The following ERC2 variants were observed in gnomAD, a reference collection of about 807,000 sequenced individuals.
ERC2 encodes the protein ELKS/RAB6-interacting/CAST family member 2, also known as ERC protein 2.
A neutral mutation model predicts 114.8 loss-of-function variants in ERC2; 42 were observed. The ratio of observed to expected loss-of-function variants is 0.37; its 90% CI spans 0.29 to 0.47. The LOEUF (loss-of-function observed/expected upper bound fraction) is 0.47, where lower values mean the gene tolerates loss of function less well. ERC2 is among the 20% of genes least tolerant of loss of function. ERC2 has a pLI of 0.99. For missense variants in ERC2, 939 were observed against 1,150.7 expected (o/e 0.82, Z 2.66); for synonymous variants, 454 against 425.5 (o/e 1.07, Z -0.82).
At chr3:56,067,173 C>T (rs2076523369) in intron 7 of ERC2, among the ~76,000 whole-genome samples, 1 of 152,206 alleles carries the variant, frequency 6.6e-6, no homozygotes, top group Non-Finnish European at 1.5e-5. Flanking sequence ...AATATTAATT[C>T]TTCCTATTAA....
At chr3:55,983,076 A>G (rs552029079) in intron 12 of ERC2, among the ~76,000 whole-genome samples, 36 of 152,342 alleles carry the variant, frequency 2.4e-4, no homozygotes, top group African/African-American at 8.2e-4. Context: ...TGCAGGCAGG[A>G]TCCCAGAAGA....
At chr3:55,858,675 A>G (rs2061893135) in intron 14 of ERC2, among the ~76,000 whole-genome samples, 1 of 152,258 alleles carries the variant, frequency 6.6e-6, no homozygotes, top group Non-Finnish European at 1.5e-5. Flanking sequence ...GAGCAAGACA[A>G]AAATACTCTG....
At chr3:55,781,830 C>G (rs1484915312) in intron 14 of ERC2, among the ~76,000 whole-genome samples, 1 of 149,940 alleles carries the variant, frequency 6.7e-6, no homozygotes, top group Non-Finnish European at 1.5e-5. Context: ...CGAGATCGCC[C>G]TACTACACTC....
At chr3:56,222,916 C>T (rs2050010199) in intron 3 of ERC2, among the ~76,000 whole-genome samples, 1 of 152,358 alleles carries the variant, frequency 6.6e-6, no homozygotes, top group South Asian at 2.1e-4. Context: ...TGTATCTTTC[C>T]TCCATCCTGG....
intron 17 of ERC2, among the ~76,000 whole-genome samples, chr3:55,579,300 T>TG (rs1189579060): frequency 1.3e-5 from 2 of 152,148 alleles, no homozygotes; most frequent in African/African-American, 2.4e-5. Flanking sequence ...TAATTCACAA[T>TG]CTACATTTGG....
Position 56,138,936 on chromosome 3 carries a change from CACA to C in ERC2, c.1473+570_1473+572del, listed in dbSNP as rs1285569198. ...ACCAATATTTCCTTTGAGAAACTCA[CACA>C]ATATCAACTTTCTTCAATGGGTAAA... On this transcript the variant is annotated intron_variant, in intron 6 of 17. Transcript: ENST00000288221. 2.0e-5 allele frequency among the ~76,000 whole-genome samples: 3 copies of C among 152,274 alleles called. No homozygotes were observed. The East Asian group carries it at 5.8e-4, about 29-fold the overall frequency.
chr3:56,221,964 G>A (rs1216507605), intron 3 of ERC2, among the ~76,000 whole-genome samples: 2 of 152,072 alleles, frequency 1.3e-5, no homozygotes, highest in East Asian at 3.8e-4. Flanking sequence ...AGTACAATGA[G>A]AAGCTCTGTC....
At chr3:55,532,574 A>G (rs866566104) in intron 17 of ERC2, among the ~76,000 whole-genome samples, 33 of 152,286 alleles carry the variant, frequency 2.2e-4, no homozygotes, top group African/African-American at 7.9e-4. Context: ...AACGCACTCA[A>G]TTCTCCCCAA....
intron 17 of ERC2, among the ~76,000 whole-genome samples, chr3:55,675,894 CTTTTCTTTCTTTTTTTTTTTTTTTTTTT>C (rs2061769565): frequency 2.8e-5 from 2 of 70,474 alleles, no homozygotes; most frequent in Non-Finnish European, 5.7e-5. Context: ...CTTTCTTTCT[CTTTTCTTTCTTTTTTTTTTTTTTTTTTT>C]TTTTTTTTTT....
At chr3:55,554,660 C>T (rs2055469504) in intron 17 of ERC2, among the ~76,000 whole-genome samples, 1 of 152,222 alleles carries the variant, frequency 6.6e-6, no homozygotes, top group African/African-American at 2.4e-5. Context: ...CATTTGCAAA[C>T]TGCATGGTTC....
At chr3:56,165,207 C>T (rs1013614178) in intron 4 of ERC2, among the ~76,000 whole-genome samples, 2 of 145,210 alleles carry the variant, frequency 1.4e-5, no homozygotes, top group African/African-American at 5.0e-5. Flanking sequence ...CTAATACTAT[C>T]AATTAGTTTA....
At chr3:55,629,050 T>C (rs1367229429) in intron 17 of ERC2, among the ~76,000 whole-genome samples, 2 of 152,106 alleles carry the variant, frequency 1.3e-5, no homozygotes. Context: ...CAGATGCAGA[T>C]GAACTACTGT....
intron 10 of ERC2, among the ~76,000 whole-genome samples, chr3:55,995,161 C>T (rs896323233): frequency 1.3e-5 from 2 of 152,240 alleles, no homozygotes; most frequent in Non-Finnish European, 2.9e-5. Flanking sequence ...GGTAACACCC[C>T]ATCTCTACTA....
intron 14 of ERC2, among the ~76,000 whole-genome samples, chr3:55,801,514 A>G (rs2071048605): frequency 6.6e-6 from 1 of 152,200 alleles, no homozygotes; most frequent in African/African-American, 2.4e-5. Flanking sequence ...GTTAAGAGAA[A>G]TATTAATCCA....
intron 15 of ERC2, among the ~76,000 whole-genome samples, chr3:55,708,874 AG>A (rs2063622877): frequency 1.3e-5 from 2 of 151,870 alleles, no homozygotes; most frequent in African/African-American, 2.4e-5. Context: ...AGAGAGAGAG[AG>A]AAGAGGAGAG....
chr3:56,417,897 A>G (rs867626847), intron 2 of ERC2, among the ~76,000 whole-genome samples: 1 of 152,228 alleles, frequency 6.6e-6, no homozygotes, highest in Admixed American at 6.5e-5. Flanking sequence ...ATGTCCTACA[A>G]TGAGGGTAGG....
chr3:55,552,065 C>T (rs746850650), intron 17 of ERC2, among the ~76,000 whole-genome samples: 20 of 152,282 alleles, frequency 1.3e-4, no homozygotes, highest in Middle Eastern at 3.4e-3. Context: ...GCCCATAGAA[C>T]CCCGCACCTC....
At chr3:55,865,881 C>T (rs1332400333) in intron 14 of ERC2, among the ~76,000 whole-genome samples, 1 of 152,122 alleles carries the variant, frequency 6.6e-6, no homozygotes, top group Non-Finnish European at 1.5e-5. Flanking sequence ...CTTGTTTTCA[C>T]TTTTTGGCTA....
intron 14 of ERC2, among the ~76,000 whole-genome samples, chr3:55,822,899 C>T (rs973589973): frequency 6.6e-6 from 1 of 152,160 alleles, no homozygotes; most frequent in Non-Finnish European, 1.5e-5. Flanking sequence ...AGGCGTGAGC[C>T]GCCGCACCGA....
Sources: gnomAD v4.1 joint callset for allele counts (sites outside exome capture counted in the v4.1 genomes callset) on GRCh38, gnomAD v4.1.1 for gene constraint, MANE v1.5 for transcripts, NCBI Gene and HGNC (gene_info 2026-07-23, HGNC 2026-07-21) for gene names.